Variants in CFAP77 observed in about 807,000 individuals in gnomAD.
The protein encoded by CFAP77 is cilia and flagella associated protein 77, also known as cilia- and flagella-associated protein 77.
CFAP77 carries 25 observed loss-of-function variants against 31.1 expected under a neutral mutation model. That is an observed-to-expected ratio of 0.80 (90% CI 0.59 to 1.12). CFAP77 has a LOEUF of 1.12. Among genes scored for constraint, CFAP77 ranks in the 50% most tolerant of loss-of-function variants. The pLI is 0.00. For synonymous variants in CFAP77, 151 were observed against 159.9 expected, an observed-to-expected ratio of 0.94 and a Z score of 0.42; for missense variants, 377 against 397.3, an observed-to-expected ratio of 0.95 and a Z score of 0.44.
At chr9:132,457,531 A>G (rs763017857) in intron 1 of CFAP77, among the ~76,000 whole-genome samples, 5 of 152,198 alleles carry the variant, frequency 3.3e-5, no homozygotes, top group Non-Finnish European at 7.3e-5. Context: ...AAATCATTGT[A>G]ATGCAGCCTT....
intron 1 of CFAP77, among the ~76,000 whole-genome samples, chr9:132,462,859 A>G (rs934087445): frequency 2.6e-5 from 4 of 152,190 alleles, no homozygotes; most frequent in African/African-American, 9.7e-5. Context: ...TTGTATATAC[A>G]TGCACTTTGT....
At chr9:132,459,363 G>A (rs541752276) in intron 1 of CFAP77, among the ~76,000 whole-genome samples, 23 of 152,048 alleles carry the variant, frequency 1.5e-4, no homozygotes, top group Non-Finnish European at 3.2e-4. Flanking sequence ...GAACCACCGC[G>A]CCCGGCCACC....
chr9:132,477,351 C>A (rs1258955852), intron 1 of CFAP77, among the ~76,000 whole-genome samples: 1 of 151,348 alleles, frequency 6.6e-6, no homozygotes, highest in Non-Finnish European at 1.5e-5. Context: ...GAACTACAGG[C>A]CCTGGAGACA....
chr9:132,515,406 G>A (rs1242721164), intron 3 of CFAP77, among the ~76,000 whole-genome samples: 1 of 152,046 alleles, frequency 6.6e-6, no homozygotes, highest in Non-Finnish European at 1.5e-5. Flanking sequence ...GGGCACACTT[G>A]CCTTCCTGTG....
rs1157518673 is a variant in CFAP77 at position 132,480,297 on chromosome 9, G to A, written c.196-18398G>A. Among the ~76,000 whole-genome samples the A allele has an allele frequency of 6.6e-6, 1 of 152,156 alleles. No homozygotes were observed. Among genetic ancestry groups the A allele is most frequent in the African/African-American group, 2.4e-5 (1 of 41,440 alleles). ...GGTCCAGAGACTCCAACCCTGTGGG[G>A]TCAACAGCAGGGCAGGAAAGGGCTT... On this transcript the variant is annotated intron_variant, in intron 1 of 5. Coordinates refer to ENST00000393216, the MANE Select transcript of CFAP77 (RefSeq NM_001282957.2). The surrounding 1 kb of genome is among the most constrained non-coding windows in gnomAD (Gnocchi z 5.8).
At chr9:132,474,118 G>A (rs1349909418) in intron 1 of CFAP77, among the ~76,000 whole-genome samples, 6 of 152,152 alleles carry the variant, frequency 3.9e-5, no homozygotes, top group African/African-American at 1.2e-4. Flanking sequence ...ATAGATTTTG[G>A]GTTGTCTCTT....
chr9:132,454,010 G>A (rs549324860), intron 1 of CFAP77, among the ~76,000 whole-genome samples: 35 of 152,272 alleles, frequency 2.3e-4, no homozygotes, highest in Admixed American at 1.4e-3. Flanking sequence ...GAAGGAGGGC[G>A]GTGGCACCCC....
At chr9:132,529,907 A>G (rs1330002760) in intron 3 of CFAP77, among the ~76,000 whole-genome samples, 3 of 151,798 alleles carry the variant, frequency 2.0e-5, no homozygotes, top group Non-Finnish European at 4.4e-5. Context: ...TTCCATCCTC[A>G]CCAGCAGTGC....
chr9:132,550,426 C>T (rs1031446133), intron 5 of CFAP77, among the ~76,000 whole-genome samples: 1 of 151,942 alleles, frequency 6.6e-6, no homozygotes, highest in South Asian at 2.1e-4. Flanking sequence ...TAGCTCATCT[C>T]CAGGAGAATA....
intron 1 of CFAP77, among the ~76,000 whole-genome samples, chr9:132,423,629 G>A (rs569445849): frequency 2.7e-4 from 41 of 152,346 alleles, no homozygotes; most frequent in Non-Finnish European, 3.8e-4. Context: ...GCCTGAGGTC[G>A]TAACCGCTGT....
intron 3 of CFAP77, chr9:132,513,321 C>T (rs1281158328): frequency 1.9e-6 from 3 of 1,548,618 alleles, no homozygotes; most frequent in Non-Finnish European, 2.6e-6. Context: ...GAACCCACTA[C>T]CTGGATTTAG....
intron 3 of CFAP77, 98 bp from the exon 4 acceptor site, chr9:132,537,503 C>G: frequency 1.3e-6 from 1 of 797,030 alleles, no homozygotes; most frequent in Non-Finnish European, 2.1e-6. Context: ...TACCCCACAG[C>G]CCCTGACGTT....
intron 5 of CFAP77, among the ~76,000 whole-genome samples, chr9:132,546,766 G>C (rs1438093873): frequency 6.6e-6 from 1 of 152,238 alleles, no homozygotes; most frequent in South Asian, 2.1e-4. Context: ...GGTGGCTGGG[G>C]CCCAGAAGGG....
intron 5 of CFAP77, among the ~76,000 whole-genome samples, chr9:132,563,793 A>G (rs913955812): frequency 2.6e-5 from 4 of 152,278 alleles, no homozygotes; most frequent in African/African-American, 9.6e-5. Context: ...CGTTATTACC[A>G]ATCCGATGTG....
intron 1 of CFAP77, among the ~76,000 whole-genome samples, chr9:132,487,442 CAT>C (rs886488827): frequency 1.3e-5 from 2 of 152,170 alleles, no homozygotes; most frequent in African/African-American, 4.8e-5. Flanking sequence ...AAAATAGAAA[CAT>C]ATAACTTAAC....
chr9:132,498,846 C>T lies in CFAP77; in HGVS notation c.295+52C>T. ...GGCAGAGGAGTGGGAGGGAGGCTCA[C>T]CCCTCTTCACAGACCCCTTGACCTA... is the stretch of plus-strand genomic sequence containing the variant. On this transcript the variant is annotated intron_variant, in intron 2 of 5. Coordinates refer to ENST00000393216, the MANE Select transcript of CFAP77 (RefSeq NM_001282957.2). The surrounding 1 kb of genome is among the most constrained non-coding windows in gnomAD (Gnocchi z 4.2). The T allele has an allele frequency of 7.6e-7, 1 of 1,319,568 alleles. No individual in the cohort carries two copies. The highest frequency in any genetic ancestry group is 1.1e-6 in the Non-Finnish European group (1 of 932,356). The allele number at this position is 1,319,568 out of a possible 1,614,324, so 81.7% of individuals were successfully genotyped here. A position where few individuals can be genotyped will look rare whatever the true frequency, so the allele number is the denominator to read the frequency against.
chr9:132,435,673 T>A (rs1196642225), intron 1 of CFAP77, among the ~76,000 whole-genome samples: 1 of 152,196 alleles, frequency 6.6e-6, no homozygotes, highest in East Asian at 1.9e-4. Context: ...GCAGACTTAA[T>A]GTCTACACCA....
chr9:132,515,258 C>T (rs1261355056), intron 3 of CFAP77, among the ~76,000 whole-genome samples: 2 of 152,256 alleles, frequency 1.3e-5, no homozygotes, highest in East Asian at 3.9e-4. Context: ...AACCCCGGCT[C>T]GACATTCTGA....
intron 1 of CFAP77, among the ~76,000 whole-genome samples, chr9:132,479,463 T>C (rs1308222151): frequency 6.6e-6 from 1 of 152,210 alleles, no homozygotes; most frequent in African/African-American, 2.4e-5. Flanking sequence ...CTTGGGGGGC[T>C]GGGCCTGGTT....
Sources: allele counts gnomAD v4.1 joint callset (sites outside exome capture counted in the v4.1 genomes callset), GRCh38; gene constraint gnomAD v4.1.1; non-coding constraint Gnocchi (gnomAD v3.1); transcripts MANE v1.5; gene names NCBI Gene and HGNC (gene_info 2026-07-23, HGNC 2026-07-21).